The following DLAT variants were observed in gnomAD, a reference collection of about 807,000 sequenced individuals.
DLAT encodes dihydrolipoyllysine-residue acetyltransferase component of pyruvate dehydrogenase complex, mitochondrial.
Under a neutral mutation model 68.0 loss-of-function variants are expected in DLAT, and 43 were observed. That is an observed-to-expected ratio of 0.63 (90% CI 0.50 to 0.81). The LOEUF is 0.81. DLAT is among the 40% of genes least tolerant of loss of function. The probability of loss-of-function intolerance (pLI) is 0.00; values close to 1 mark genes in which losing one functional copy is unlikely to be tolerated. For synonymous variants in DLAT, 265 were observed against 288.6 expected, an observed-to-expected ratio of 0.92 and a Z score of 0.83; for missense variants, 745 against 815.4, an observed-to-expected ratio of 0.91 and a Z score of 1.05.
Position 112,061,191 on chromosome 11 carries a change from A to G in DLAT, c.1814+17A>G. The G allele has an allele frequency of 6.2e-7, 1 of 1,613,912 alleles. No homozygotes were observed. Among genetic ancestry groups the G allele is most frequent in the Non-Finnish European group, 8.5e-7 (1 of 1,179,936 alleles). On this transcript the variant is annotated intron_variant, in intron 13 of 13. Transcript: ENST00000280346. ...TGAAAAAGGGTAAGTGCCAAAATGG[A>G]GGGGAAGTCGTAAGCTAATTTTTAT...
At chr11:112,029,639 A>G (rs1026210224) in intron 4 of DLAT, among the ~76,000 whole-genome samples, 2 of 150,280 alleles carry the variant, frequency 1.3e-5, no homozygotes, top group Non-Finnish European at 2.9e-5. Context: ...ATTGGGGATC[A>G]TATTTCTTTT....
intron 10 of DLAT, among the ~76,000 whole-genome samples, chr11:112,048,542 G>A (rs1555181691): frequency 6.6e-6 from 1 of 152,088 alleles, no homozygotes; most frequent in Non-Finnish European, 1.5e-5. Context: ...CTTGTCATGT[G>A]CCAATTTTTG....
At position 112,030,129 on chromosome 11, in the gene DLAT, A is replaced by C. The variant is rs116807683; in HGVS notation, c.660+1184A>C. ...GGCGACTCCAGTACCATCTCCATTA[A>C]CAAAATCTCCACCCTAAATCATGAA... On this transcript the variant is annotated intron_variant, in intron 4 of 13. Transcript: ENST00000280346. 2.9e-3 allele frequency: 2,129 copies of C among 731,406 alleles called. 17 individuals are homozygous for C. The African/African-American group carries it at 0.032, about 11-fold the overall frequency. 45.3% of individuals were successfully genotyped at this position (731,406 alleles called of 1,614,324 possible). A position where few individuals can be genotyped will look rare whatever the true frequency, so the allele number is the denominator to read the frequency against.
Position 112,028,514 on chromosome 11 carries a change from G to C in DLAT, c.382-1G>C. 3 of 1,613,306 alleles carry C rather than the reference G, an allele frequency of 1.9e-6. No individual in the cohort carries two copies. The highest frequency in any genetic ancestry group is 2.5e-6 in the Non-Finnish European group (3 of 1,179,682). On this transcript the variant is annotated splice_acceptor_variant, in intron 2 of 13. Coordinates refer to ENST00000280346, the MANE Select transcript of DLAT (RefSeq NM_001931.5). LOFTEE classifies it high-confidence loss of function. ...TGAGCTACTGCTTTTTGTGTTAAAA[G>C]GTTGAAACTGATAAAGCCACTGTTG... is the stretch of plus-strand genomic sequence containing the variant.
At chr11:112,033,135 G>C (rs587599233) in intron 4 of DLAT, among the ~76,000 whole-genome samples, 2 of 152,306 alleles carry the variant, frequency 1.3e-5, no homozygotes, top group South Asian at 2.1e-4. Flanking sequence ...AATTTTGACT[G>C]TCTGAAAGAA....
chr11:112,052,609 C>T (rs1863717996), intron 11 of DLAT, among the ~76,000 whole-genome samples: 2 of 152,098 alleles, frequency 1.3e-5, no homozygotes, highest in Admixed American at 1.3e-4. Context: ...CCTTTCTGGG[C>T]ATACCACCCT....
rs1555180793 is a variant in DLAT at position 112,039,245 on chromosome 11, T to C, written c.977T>C (p.Val326Ala). The change falls in exon 7 of 14, where the codon GTG (valine) becomes GCG (alanine). Residue 326 changes from valine (V) to alanine (A), a missense_variant and splice_region_variant. By Grantham distance (64) the Val-to-Ala change is moderately conservative. Transcript: ENST00000280346. ...CAATTTGTAATTTTTTTTCAAAAGG[T>C]GGCCGCTGTTCCTCCAACTCCCCAG... is the stretch of plus-strand genomic sequence containing the variant. The part of the protein sequence containing the change: ...PQVPPPTPPP[V>A]AAVPPTPQPL... 6.2e-6 allele frequency: 10 copies of C among 1,613,980 alleles called. No homozygotes were observed. Among genetic ancestry groups the C allele is most frequent in the Non-Finnish European group, 8.5e-7 (1 of 1,179,906 alleles).
In DLAT at chr11:112,028,902, C is replaced by T; in HGVS notation, c.617C>T (p.Pro206Leu). 1.2e-6 allele frequency: 2 copies of T among 1,614,182 alleles called. No homozygotes were observed. The highest frequency in any genetic ancestry group is 1.7e-6 in the Non-Finnish European group (2 of 1,180,038). Residue 206 changes from proline to leucine, a missense_variant, in exon 4 of 14, where the codon CCT (proline) becomes CTT (leucine). Coordinates refer to ENST00000280346, the MANE Select transcript of DLAT (RefSeq NM_001931.5). ...GCTGCCACTGCTTCGCCACCTACAC[C>T]TTCTGCTCAGGCTCCTGGTAGCTCA... ...TPAATASPPTPSAQAPGSSYP... is the reference protein window; with the variant it reads ...TPAATASPPTLSAQAPGSSYP...
chr11:112,036,334 CT>C (rs1862775364), intron 5 of DLAT, among the ~76,000 whole-genome samples: 2 of 147,984 alleles, frequency 1.4e-5, no homozygotes, highest in Non-Finnish European at 3.0e-5. Flanking sequence ...TTGCCTCAGC[CT>C]CCCGAGTAGC....
Position 112,033,772 on chromosome 11 carries a change from C to T in DLAT, c.787+242C>T, listed in dbSNP as rs147878112. On this transcript the variant is annotated intron_variant, in intron 5 of 13. Coordinates refer to ENST00000280346, the MANE Select transcript of DLAT (RefSeq NM_001931.5). ...TTAATCTGTTGCCCAGGCTGGAGTG[C>T]GGTGGCAAGATCATAGCTCATTGTA... is the stretch of plus-strand genomic sequence containing the variant. 1.6e-4 allele frequency among the ~76,000 whole-genome samples: 25 copies of T among 152,226 alleles called. No individual in the cohort carries two copies. In the East Asian group the frequency reaches 2.5e-3, roughly 15 times the overall value.
chr11:112,036,545 G>C (rs1245648076), intron 5 of DLAT: 1 of 152,196 alleles, frequency 6.6e-6, no homozygotes, highest in African/African-American at 2.4e-5. Flanking sequence ...TTCTCAGCTG[G>C]GAAATGGAAG....
In DLAT at chr11:112,059,051, T is replaced by TAA. The variant is rs782171316; in HGVS notation, c.1515-839_1515-838dup. On this transcript the variant is annotated intron_variant, in intron 11 of 13. Coordinates refer to ENST00000280346, the MANE Select transcript of DLAT (RefSeq NM_001931.5). ...TGATAACAGAAGATCTGATATTGTGTAAAAAAAAAAAAAAGATTGGGACCC... is the reference window on the plus strand; with the variant it reads ...TGATAACAGAAGATCTGATATTGTGTAAAAAAAAAAAAAAAAGATTGGGACCC... Among the ~76,000 whole-genome samples, 872 of 140,228 alleles carry TAA rather than the reference T, an allele frequency of 6.2e-3. 4 individuals carry two copies. The highest frequency in any genetic ancestry group is 0.021 in the African/African-American group (806 of 38,584). The allele number at this position is 140,228 out of a possible 152,430, so 92.0% of individuals were successfully genotyped here.
intron 6 of DLAT, 131 bp downstream of exon 6, chr11:112,037,591 A>C (rs1862841167): frequency 1.1e-6 from 1 of 917,322 alleles, no homozygotes; most frequent in Non-Finnish European, 1.7e-6. Flanking sequence ...TAGTTTATTA[A>C]CATTTGTGGA....
At chr11:112,035,631 G>A (rs1461279429) in intron 5 of DLAT, among the ~76,000 whole-genome samples, 1 of 151,798 alleles carries the variant, frequency 6.6e-6, no homozygotes, top group Non-Finnish European at 1.5e-5. Flanking sequence ...TGGGACTACA[G>A]GTGCATGCCA....
rs373498737 is a variant in DLAT at position 112,033,540 on chromosome 11, C to T, written c.787+10C>T. 5 of 1,613,232 alleles carry T rather than the reference C, an allele frequency of 3.1e-6. No individual in the cohort carries two copies. The African/African-American group carries it at 5.3e-5, about 17-fold the overall frequency. On this transcript the variant is annotated intron_variant, in intron 5 of 13. Coordinates refer to ENST00000280346, the MANE Select transcript of DLAT (RefSeq NM_001931.5). ...GACAAAGCCACTATAGGTGAGATTTCTTCAGCTCTTAATGGTTGAGGCACT... is the reference window on the plus strand; with the variant it reads ...GACAAAGCCACTATAGGTGAGATTTTTTCAGCTCTTAATGGTTGAGGCACT...
chr11:112,044,661 T>C (rs1555181290), intron 8 of DLAT, among the ~76,000 whole-genome samples: 1 of 152,118 alleles, frequency 6.6e-6, no homozygotes, highest in Non-Finnish European at 1.5e-5. Context: ...TTCAGAATTC[T>C]AAGTAAAAAA....
intron 7 of DLAT, among the ~76,000 whole-genome samples, chr11:112,042,153 T>G (rs1452986996): frequency 6.6e-6 from 1 of 152,188 alleles, no homozygotes; most frequent in Non-Finnish European, 1.5e-5. Flanking sequence ...GATCCCTACT[T>G]TTTGTTACCC....
chr11:112,055,872 TTTTTTTTTTTTTTTG>T (rs1864018892), intron 11 of DLAT, among the ~76,000 whole-genome samples: 1 of 114,574 alleles, frequency 8.7e-6, no homozygotes, highest in African/African-American at 3.5e-5. Context: ...TTTTTTTTTT[TTTTTTTTTTTTTTTG>T]AGGTGGAGTC....
chr11:112,053,258 G>A (rs1326286087), intron 11 of DLAT, among the ~76,000 whole-genome samples: 1 of 152,058 alleles, frequency 6.6e-6, no homozygotes, highest in Non-Finnish European at 1.5e-5. Flanking sequence ...GGAGGTGGAG[G>A]TTGCAGTGAA....
Sources: allele counts gnomAD v4.1 joint callset (sites outside exome capture counted in the v4.1 genomes callset), GRCh38; gene constraint gnomAD v4.1.1; transcripts MANE v1.5; gene names NCBI Gene and HGNC (gene_info 2026-07-23, HGNC 2026-07-21).